The following SETD3 variants were observed in gnomAD, a reference collection of about 807,000 sequenced individuals.
SETD3 encodes actin-histidine N-methyltransferase.
A neutral mutation model predicts 63.0 loss-of-function variants in SETD3; 19 were observed. The ratio of observed to expected loss-of-function variants is 0.30; its 90% confidence interval spans 0.21 to 0.44. The LOEUF is 0.44. Ranked by LOEUF, SETD3 falls within the 20% of genes least tolerant of loss-of-function variation. The pLI, the probability that SETD3 is intolerant of heterozygous loss-of-function variation, is 1.00. For synonymous variants in SETD3, 286 were observed against 264.1 expected, an observed-to-expected ratio of 1.08 and a Z score of -0.80; for missense variants, 587 against 728.5, an observed-to-expected ratio of 0.81 and a Z score of 2.24.
rs1230554277 is a variant in SETD3 at position 99,412,975 on chromosome 14, A to AT, written c.824dup (p.Asp275GlufsTer4). The AT allele has an allele frequency of 6.2e-7, 1 of 1,613,770 alleles. No individual in the cohort carries two copies. ...CCAGGCCGTTGGTGTGGTTACACAT[A>AT]TCCCATAAAGGAATCAGAGCCAGGG... On this transcript the variant is annotated frameshift_variant, in exon 8 of 13. Coordinates refer to ENST00000331768, the MANE Select transcript of SETD3 (RefSeq NM_032233.3). LOFTEE classifies it high-confidence loss of function.
chr14:99,458,684 T>C (rs1057090902), intron 5 of SETD3, 149 bp from the exon 6 acceptor site: 1 of 1,002,238 alleles, frequency 1.0e-6, no homozygotes, highest in Non-Finnish European at 1.4e-6. Flanking sequence ...ACACCTGTAA[T>C]CCTAGCACTT....
chr14:99,454,594 T>C (rs980522693), intron 6 of SETD3, among the ~76,000 whole-genome samples: 6 of 152,108 alleles, frequency 3.9e-5, no homozygotes, highest in African/African-American at 1.4e-4. Flanking sequence ...AAAATAGTAA[T>C]AGCATAAATA....
intron 6 of SETD3, among the ~76,000 whole-genome samples, chr14:99,456,915 G>GTCC (rs1440152165): frequency 6.6e-6 from 1 of 152,224 alleles, no homozygotes; most frequent in East Asian, 1.9e-4. Context: ...ACAGAAGAGA[G>GTCC]TCCTCTCAGA....
At position 99,465,753 on chromosome 14, in the gene SETD3, G is replaced by A. The variant is rs145391881; in HGVS notation, c.53C>T (p.Ala18Val). 4.3e-6 allele frequency: 7 copies of A among 1,614,066 alleles called. No homozygotes were observed. In the African/African-American group the frequency reaches 9.3e-5, roughly 22 times the overall value. ...KTQKSGTGAT[A>V]TVSPKEILNL... ...CAAGATTTCCTTTGGTGACACAGTT[G>A]CTGTAGCACCAGTGCCAGATTTCTG... The change falls in exon 2 of 13, where the codon GCA becomes GTA. Residue 18 changes from alanine to valine, a missense_variant. Ala to Val is a moderately conservative substitution (Grantham distance 64). Coordinates refer to ENST00000331768, the MANE Select transcript of SETD3 (RefSeq NM_032233.3).
chr14:99,478,732 G>T (rs1028205269), intron 1 of SETD3: 2 of 152,144 alleles, frequency 1.3e-5, no homozygotes, highest in African/African-American at 4.8e-5. Context: ...GTCGCTGATG[G>T]TCATACCTTC....
At chr14:99,469,379 C>A (rs1336374807) in intron 1 of SETD3, among the ~76,000 whole-genome samples, 1 of 152,212 alleles carries the variant, frequency 6.6e-6, no homozygotes, top group Non-Finnish European at 1.5e-5. Context: ...CTTCGTGATT[C>A]ATTTCCCTGC....
intron 6 of SETD3, among the ~76,000 whole-genome samples, chr14:99,449,935 G>C (rs1894363271): frequency 6.6e-6 from 1 of 152,174 alleles, no homozygotes; most frequent in South Asian, 2.1e-4. Context: ...AGAAATACTA[G>C]TCCCTATCCC....
rs560898728 is a variant in SETD3 at position 99,475,465 on chromosome 14, T to G, written c.-9+5263A>C. Among the ~76,000 whole-genome samples the G allele has an allele frequency of 3.3e-5, 5 of 152,390 alleles. No individual in the cohort carries two copies. The East Asian group carries it at 9.6e-4, about 29-fold the overall frequency. The stretch of plus-strand genomic sequence containing the variant: ...TTCGCCTTTAGGCGGCCAGCAGAGC[T>G]GCACGTTCACTTCCAAGGCAATCTC... On this transcript the variant is annotated intron_variant, in intron 1 of 12. Coordinates refer to ENST00000331768, the MANE Select transcript of SETD3 (RefSeq NM_032233.3).
chr14:99,424,037 A>G (rs1035326748), intron 6 of SETD3, among the ~76,000 whole-genome samples: 6 of 152,036 alleles, frequency 3.9e-5, no homozygotes, highest in African/African-American at 1.2e-4. Flanking sequence ...CAATTTCTGG[A>G]AACAAATTTT....
At chr14:99,415,790 TAAC>T (rs1484074953) in intron 6 of SETD3, among the ~76,000 whole-genome samples, 1 of 152,166 alleles carries the variant, frequency 6.6e-6, no homozygotes, top group Non-Finnish European at 1.5e-5. Context: ...CACATGCACT[TAAC>T]AGTGACACTA....
intron 11 of SETD3, among the ~76,000 whole-genome samples, chr14:99,401,711 A>G (rs552859845): frequency 2.4e-4 from 37 of 152,310 alleles, no homozygotes; most frequent in African/African-American, 8.4e-4. Context: ...TGCATACAAC[A>G]TGGACGTTCT....
At chr14:99,480,380 T>C (rs955239003) in intron 1 of SETD3, among the ~76,000 whole-genome samples, 74 of 151,828 alleles carry the variant, frequency 4.9e-4, no homozygotes, top group Non-Finnish European at 6.9e-4. Flanking sequence ...GAGCGCTGCC[T>C]GCACCTGGCA....
intron 6 of SETD3, among the ~76,000 whole-genome samples, chr14:99,415,915 G>C (rs147202296): frequency 7.6e-4 from 116 of 152,270 alleles, no homozygotes; most frequent in African/African-American, 2.8e-3. Context: ...TACAGTCGCA[G>C]AGTTCTTGAT....
intron 6 of SETD3, among the ~76,000 whole-genome samples, chr14:99,445,234 C>T (rs561574811): frequency 6.6e-6 from 1 of 152,346 alleles, no homozygotes; most frequent in Admixed American, 6.5e-5. Flanking sequence ...TATAAACTAA[C>T]GGCAACAGAA....
intron 6 of SETD3, among the ~76,000 whole-genome samples, chr14:99,414,888 C>T (rs985547736): frequency 3.3e-5 from 5 of 152,200 alleles, no homozygotes; most frequent in Admixed American, 6.5e-5. Flanking sequence ...CAGGAAGCTC[C>T]ATGTAGCCTG....
At chr14:99,432,325 T>C (rs72704566) in intron 6 of SETD3, among the ~76,000 whole-genome samples, 134 of 152,308 alleles carry the variant, frequency 8.8e-4, no homozygotes, top group Non-Finnish European at 1.6e-3. Context: ...GGAAAAAATG[T>C]CAGTATTTCA....
In SETD3 at chr14:99,412,922, C is replaced by G; in HGVS notation, c.849+29G>C. On this transcript the variant is annotated intron_variant, in intron 8 of 12. Transcript: ENST00000331768. Reference sequence around the variant, plus strand: ...CTTAGCAACAACAGCCTCCCAGATTCAACACAACACAGGGGAAGAGGTCGT... The same window carrying G: ...CTTAGCAACAACAGCCTCCCAGATTGAACACAACACAGGGGAAGAGGTCGT... The G allele has an allele frequency of 2.0e-6, 3 of 1,479,786 alleles. No homozygotes were observed. The South Asian group carries it at 3.4e-5, about 17-fold the overall frequency. The allele number at this position is 1,479,786 out of a possible 1,614,324, so 91.7% of individuals were successfully genotyped here. A position where few individuals can be genotyped will look rare whatever the true frequency, so the allele number is the denominator to read the frequency against.
intron 6 of SETD3, among the ~76,000 whole-genome samples, chr14:99,435,086 C>T (rs1298737803): frequency 6.6e-6 from 1 of 151,998 alleles, no homozygotes; most frequent in African/African-American, 2.4e-5. Context: ...AAGGCCTATT[C>T]GTTATTACTC....
intron 2 of SETD3, among the ~76,000 whole-genome samples, chr14:99,465,027 T>C (rs1012576529): frequency 1.4e-4 from 22 of 152,076 alleles, no homozygotes; most frequent in Admixed American, 1.2e-3. Context: ...TCCCAGCTAC[T>C]CAGGAGAATG....
Sources: gnomAD v4.1 joint callset for allele counts (sites outside exome capture counted in the v4.1 genomes callset) on GRCh38, gnomAD v4.1.1 for gene constraint, MANE v1.5 for transcripts, NCBI Gene and HGNC (gene_info 2026-07-23, HGNC 2026-07-21) for gene names.